Variants in MAP3K7CL observed in about 807,000 individuals in gnomAD.
MAP3K7CL encodes MAP3K7 C-terminal-like protein.
MAP3K7CL carries 16 observed loss-of-function variants against 18.6 expected under a neutral mutation model. The observed-to-expected ratio is 0.86, with a 90% CI of 0.58 to 1.31. The LOEUF is 1.31. Among genes scored for constraint, MAP3K7CL ranks in the 50% most tolerant of loss-of-function variants. The pLI is 0.00. For missense variants in MAP3K7CL, 163 were observed against 174.4 expected, an observed-to-expected ratio of 0.93 and a Z score of 0.37; for synonymous variants, 65 against 66.8, an observed-to-expected ratio of 0.97 and a Z score of 0.13.
upstream of MAP3K7CL, among the ~76,000 whole-genome samples, chr21:29,127,520 A>G (rs2832201): frequency 0.63 from 95,106 of 152,116 alleles, 31,095 homozygotes; most frequent in East Asian, 0.82. Flanking sequence ...GAAATACATC[A>G]TTGCTCATAT....
At chr21:29,108,874 A>G (rs192751983) in intron 4 of MAP3K7CL, among the ~76,000 whole-genome samples, 76 of 152,332 alleles carry the variant, frequency 5.0e-4, no homozygotes, top group African/African-American at 1.8e-3. Flanking sequence ...GAAACAGTCA[A>G]AAATAATTTT....
At chr21:29,081,276 G>A (rs1435565629), upstream of MAP3K7CL, among the ~76,000 whole-genome samples, 2 of 152,188 alleles carry the variant, frequency 1.3e-5, no homozygotes, top group East Asian at 1.9e-4. Context: ...TCAGCCGGGC[G>A]TGGTGGCTCA....
chr21:29,122,964 AAG>A (rs1204115894), intron 4 of MAP3K7CL, among the ~76,000 whole-genome samples: 1 of 151,912 alleles, frequency 6.6e-6, no homozygotes, highest in Non-Finnish European at 1.5e-5. Flanking sequence ...TTGATTTTGT[AAG>A]AGTTTTATAA....
At chr21:29,158,225 C>T (rs1357196777) in intron 3 of MAP3K7CL, among the ~76,000 whole-genome samples, 3 of 152,084 alleles carry the variant, frequency 2.0e-5, no homozygotes, top group African/African-American at 7.2e-5. Flanking sequence ...GAGTGGGTAG[C>T]GATTTCTGGG....
intron 4 of MAP3K7CL, among the ~76,000 whole-genome samples, chr21:29,164,086 C>T (rs190482512): frequency 6.7e-6 from 1 of 148,236 alleles, no homozygotes; most frequent in African/African-American, 2.5e-5. Context: ...GGTGACAGTG[C>T]GAGACTCCAT....
chr21:29,157,957 G>A (rs996722800), intron 3 of MAP3K7CL, among the ~76,000 whole-genome samples: 1 of 151,974 alleles, frequency 6.6e-6, no homozygotes, highest in Admixed American at 6.6e-5. Context: ...GAACTTTTTC[G>A]CTGCCACATA....
At chr21:29,091,511 T>C in exon 2 of MAP3K7CL, 2 of 697,638 alleles carry the variant, frequency 2.9e-6, no homozygotes, top group South Asian at 3.0e-5. Flanking sequence ...CCCCTTGCTC[T>C]GTCACGCAGG....
At chr21:29,114,362 C>T (rs1482516294) in intron 4 of MAP3K7CL, among the ~76,000 whole-genome samples, 2 of 150,930 alleles carry the variant, frequency 1.3e-5, no homozygotes, top group African/African-American at 4.9e-5. Context: ...TGCCACCATG[C>T]CAGGCCTTAT....
chr21:29,165,521 T>C (rs2087664273), intron 4 of MAP3K7CL, among the ~76,000 whole-genome samples: 1 of 152,176 alleles, frequency 6.6e-6, no homozygotes, highest in Non-Finnish European at 1.5e-5. Context: ...GTCCATTGTA[T>C]TATCCTTATG....
intron 4 of MAP3K7CL, among the ~76,000 whole-genome samples, chr21:29,160,837 C>T (rs1250277547): frequency 6.6e-6 from 1 of 152,224 alleles, no homozygotes. Flanking sequence ...GGTGTTGTCA[C>T]CATCAGATTC....
At chr21:29,171,111 T>A (rs1308505291) in intron 4 of MAP3K7CL, among the ~76,000 whole-genome samples, 1 of 152,202 alleles carries the variant, frequency 6.6e-6, no homozygotes, top group Non-Finnish European at 1.5e-5. Context: ...TCTGGCTCAC[T>A]CTTATTAGCT....
intron 4 of MAP3K7CL, among the ~76,000 whole-genome samples, chr21:29,097,817 C>T (rs1293050063): frequency 6.6e-6 from 1 of 152,046 alleles, no homozygotes; most frequent in Non-Finnish European, 1.5e-5. Flanking sequence ...TTGATTTCTA[C>T]CCCCCGCACC....
At chr21:29,128,591 C>T (rs551456572), upstream of MAP3K7CL, among the ~76,000 whole-genome samples, 16 of 152,302 alleles carry the variant, frequency 1.1e-4, no homozygotes, top group South Asian at 6.2e-4. Flanking sequence ...CGTGAGCCAC[C>T]GCGCCCGGCC....
chr21:29,103,734 C>CA (rs113442821), intron 4 of MAP3K7CL, among the ~76,000 whole-genome samples: 1,756 of 130,140 alleles, frequency 0.013, 13 homozygotes, highest in African/African-American at 0.021. Context: ...GACTTTGTCT[C>CA]AAAAAAAAAA....
chr21:29,133,089 T>C (rs1388972834), intron 1 of MAP3K7CL, among the ~76,000 whole-genome samples: 1 of 152,212 alleles, frequency 6.6e-6, no homozygotes, highest in Non-Finnish European at 1.5e-5. Context: ...TAGATGTATA[T>C]TGCAAAAGCA....
chr21:29,149,270 C>G lies in MAP3K7CL; in HGVS notation c.132+20C>G. 1 of 1,608,766 alleles carries G rather than the reference C, an allele frequency of 6.2e-7. No homozygotes were observed. Among genetic ancestry groups the G allele is most frequent in the Non-Finnish European group, 8.5e-7 (1 of 1,175,164 alleles). Reference sequence around the variant, plus strand: ...CTACAGGTAAGGATTTTTCTAAAGTCTCTCTTCTTTCCTCCTTAGTGTCAT... The same window carrying G: ...CTACAGGTAAGGATTTTTCTAAAGTGTCTCTTCTTTCCTCCTTAGTGTCAT... On this transcript the variant is annotated intron_variant, in intron 3 of 4. Coordinates refer to ENST00000399928, the MANE Select transcript of MAP3K7CL (RefSeq NM_001286620.2).
chr21:29,172,729 A>G (rs894363893), intron 4 of MAP3K7CL, among the ~76,000 whole-genome samples: 1 of 152,128 alleles, frequency 6.6e-6, no homozygotes, highest in Non-Finnish European at 1.5e-5. Flanking sequence ...TTTAACCAAT[A>G]GTATTATATA....
At chr21:29,172,204 T>C (rs1434617050) in intron 4 of MAP3K7CL, among the ~76,000 whole-genome samples, 2 of 151,734 alleles carry the variant, frequency 1.3e-5, no homozygotes, top group African/African-American at 4.8e-5. Flanking sequence ...TATTTTTTTT[T>C]CAGTTCAGAA....
upstream of MAP3K7CL, among the ~76,000 whole-genome samples, chr21:29,126,038 A>G (rs913130100): frequency 5.9e-5 from 9 of 152,254 alleles, no homozygotes; most frequent in African/African-American, 2.2e-4. Context: ...AAATCTGACA[A>G]AATTTTTTTA....
Sources: allele counts gnomAD v4.1 joint callset (sites outside exome capture counted in the v4.1 genomes callset), GRCh38; gene constraint gnomAD v4.1.1; transcripts MANE v1.5; gene names NCBI Gene and HGNC (gene_info 2026-07-23, HGNC 2026-07-21).